The following ANKLE2 variants were observed in gnomAD, a reference collection of about 807,000 sequenced individuals.
The protein encoded by ANKLE2 is ankyrin repeat and LEM domain-containing protein 2.
Under a neutral mutation model 84.2 loss-of-function variants are expected in ANKLE2, and 55 were observed. The observed-to-expected ratio is 0.65, with a 90% CI of 0.53 to 0.82. The LOEUF (loss-of-function observed/expected upper bound fraction) is 0.82, where lower values mean the gene tolerates loss of function less well. ANKLE2 is among the 40% of genes least tolerant of loss of function. The probability of loss-of-function intolerance (pLI) is 0.00; values close to 1 mark genes in which losing one functional copy is unlikely to be tolerated. For missense variants in ANKLE2, 1,238 were observed against 1,201.9 expected, an observed-to-expected ratio of 1.03 and a Z score of -0.44; for synonymous variants, 551 against 486.1, an observed-to-expected ratio of 1.13 and a Z score of -1.76.
intron 1 of ANKLE2, chr12:132,759,511 CTATA>C (rs568578963): frequency 8.7e-6 from 1 of 115,572 alleles, no homozygotes; most frequent in African/African-American, 6.5e-5. Context: ...TCTCTGCTGA[CTATA>C]TATATGTATA....
intron 1 of ANKLE2, chr12:132,760,125 C>G (rs535500522): frequency 9.0e-6 from 1 of 110,710 alleles, no homozygotes; most frequent in African/African-American, 3.8e-5. Context: ...CAGGGCGAGA[C>G]TACATTTCAA....
At chr12:132,730,584 AGG>A (rs2043821923) in intron 10 of ANKLE2, 4 of 352,140 alleles carry the variant, frequency 1.1e-5, no homozygotes, top group Non-Finnish European at 2.1e-5. Flanking sequence ...GCACTCTGGG[AGG>A]CCATGGCAGG....
rs370206481 is a variant in ANKLE2 at position 132,750,627 on chromosome 12, C to T, written c.847+16G>A. 84 of 1,612,936 alleles carry T rather than the reference C, an allele frequency of 5.2e-5. No homozygotes were observed. The highest frequency in any genetic ancestry group is 8.0e-5 in the African/African-American group (6 of 74,954). On this transcript the variant is annotated intron_variant, in intron 3 of 12. Transcript: ENST00000357997. ...TGTGACAGGAACATCAAGATGTGAA[C>T]GGCTGCATGATTTACCTTTCAACCT...
intron 12 of ANKLE2, among the ~76,000 whole-genome samples, chr12:132,727,688 G>A (rs1457595439): frequency 1.4e-5 from 2 of 148,072 alleles, no homozygotes; most frequent in Non-Finnish European, 1.5e-5. Context: ...GTGGGCACAT[G>A]CGTCTGGGTG....
intron 1 of ANKLE2, chr12:132,756,615 A>G (rs2044489838): frequency 6.6e-6 from 1 of 152,118 alleles, no homozygotes; most frequent in South Asian, 2.1e-4. Flanking sequence ...TTTTAAAAAC[A>G]TGTTCGTGAT....
At chr12:132,746,213 GTGGCGGGT>G (rs1207891037) in intron 5 of ANKLE2, among the ~76,000 whole-genome samples, 2 of 152,128 alleles carry the variant, frequency 1.3e-5, no homozygotes, top group Admixed American at 6.5e-5. Flanking sequence ...GCCAGGCATG[GTGGCGGGT>G]GCCTGTAGTC....
At chr12:132,761,385 G>T in intron 1 of ANKLE2, 1 of 339,256 alleles carries the variant, frequency 2.9e-6, no homozygotes, top group Non-Finnish European at 5.2e-6. Flanking sequence ...GCCCGGGAAA[G>T]CTCTCACCCC....
chr12:132,735,255 C>A (rs886325362), intron 9 of ANKLE2, 151 bp downstream of exon 9: 3 of 713,342 alleles, frequency 4.2e-6, no homozygotes, highest in Non-Finnish European at 7.3e-6. Flanking sequence ...CCACAACATC[C>A]ACAAGGAATT....
At chr12:132,736,038 A>G (rs1593149670) in intron 8 of ANKLE2, among the ~76,000 whole-genome samples, 1 of 151,834 alleles carries the variant, frequency 6.6e-6, no homozygotes, top group African/African-American at 2.4e-5. Context: ...TGCAAGCTCC[A>G]CCTCCGGGGT....
intron 6 of ANKLE2, chr12:132,741,882 G>A (rs567396130): frequency 2.2e-6 from 1 of 461,536 alleles, no homozygotes; most frequent in Admixed American, 2.4e-5. Flanking sequence ...GCTGGGTCAA[G>A]GTGGAGCTCC....
At chr12:132,744,685 T>C (rs1243974534) in intron 5 of ANKLE2, among the ~76,000 whole-genome samples, 3 of 152,054 alleles carry the variant, frequency 2.0e-5, no homozygotes, top group Non-Finnish European at 2.9e-5. Flanking sequence ...GTAAGCACTA[T>C]AGACTTTTTT....
intron 10 of ANKLE2, among the ~76,000 whole-genome samples, chr12:132,733,537 A>G (rs1481897724): frequency 2.7e-5 from 4 of 148,314 alleles, no homozygotes; most frequent in Admixed American, 6.7e-5. Flanking sequence ...GGTGCCTGAT[A>G]TGCACCGTGT....
Position 132,743,355 on chromosome 12 carries a change from T to G in ANKLE2, c.1231-79A>C. 7.0e-7 allele frequency: 1 copy of G among 1,433,532 alleles called. No individual in the cohort carries two copies. The highest frequency in any genetic ancestry group is 9.3e-7 in the Non-Finnish European group (1 of 1,074,076). The allele number at this position is 1,433,532 out of a possible 1,614,324, so 88.8% of individuals were successfully genotyped here. On this transcript the variant is annotated intron_variant, in intron 5 of 12. Transcript: ENST00000357997. This position sits in a 1 kb window ranked among gnomAD's most constrained non-coding sequence, Gnocchi z 4.1. ...CTCTAAGGTGAAAATACATATTCAT[T>G]CATTCATTCATTCATTTATTTATTT...
intron 5 of ANKLE2, chr12:132,745,307 C>A: frequency 1.0e-5 from 2 of 192,062 alleles, no homozygotes; most frequent in East Asian, 1.3e-4. Flanking sequence ...GCTCAGGGCC[C>A]AGCTACCAAG....
In ANKLE2 at chr12:132,726,648, T is replaced by A. The variant is rs1332886752; in HGVS notation, c.*594A>T. The stretch of plus-strand genomic sequence containing the variant: ...ATTTAAATATTCCGAACAACCCAAA[T>A]CACAATGGTTGCTGCAAGTCTGAGG... On this transcript the variant is annotated 3_prime_UTR_variant, in exon 13 of 13. Coordinates refer to ENST00000357997, the MANE Select transcript of ANKLE2 (RefSeq NM_015114.3). The A allele has an allele frequency of 6.6e-6, 1 of 152,242 alleles. No homozygotes were observed. The highest frequency in any genetic ancestry group is 1.5e-5 in the Non-Finnish European group (1 of 68,144). The allele number at this position is 152,242 out of a possible 1,614,324, so 9.4% of individuals were successfully genotyped here.
chr12:132,747,930 C>A lies in ANKLE2; in HGVS notation c.1132G>T (p.Asp378Tyr). 2 of 1,600,454 alleles carry A rather than the reference C, an allele frequency of 1.2e-6. No homozygotes were observed. The highest frequency in any genetic ancestry group is 1.7e-6 in the Non-Finnish European group (2 of 1,176,784). ...TCAGGGTACATCAGCCTCATGAAGT[C>A]AGGGTTCTCCAGGACGTCCAGAGTC... The part of the protein sequence containing the change: ...QLTLDVLENP[D>Y]FMRLMYPDDD... Residue 378 changes from aspartate to tyrosine, a missense_variant, in exon 5 of 13, where the codon GAC (aspartate) becomes TAC (tyrosine). Transcript: ENST00000357997.
intron 10 of ANKLE2, chr12:132,730,643 G>A (rs1195367944): frequency 1.7e-5 from 4 of 240,566 alleles, no homozygotes; most frequent in African/African-American, 6.7e-5. Context: ...GCAACATAGC[G>A]AAACCCCGTT....
intron 6 of ANKLE2, chr12:132,741,929 C>T: frequency 2.3e-6 from 1 of 433,534 alleles, no homozygotes; most frequent in South Asian, 1.6e-5. Flanking sequence ...ATTTTTGCCA[C>T]TAAAGAAATC....
rs1453278137 is a variant in ANKLE2, at chr12:132,727,141, ATAATT to A, written c.*96_*100del. On this transcript the variant is annotated 3_prime_UTR_variant, in exon 13 of 13. Transcript: ENST00000357997. ...TCTCACACCCTCAAAGTGAGGAGTA[ATAATT>A]TAATCAGAATATATTCCTTTTTGAC... The A allele has an allele frequency of 6.5e-6, 8 of 1,222,560 alleles. No homozygotes were observed. Among genetic ancestry groups the A allele is most frequent in the Non-Finnish European group, 8.8e-6 (8 of 910,720 alleles). 75.7% of individuals were successfully genotyped at this position (1,222,560 alleles called of 1,614,324 possible).
Sources: allele counts gnomAD v4.1 joint callset (sites outside exome capture counted in the v4.1 genomes callset), GRCh38; gene constraint gnomAD v4.1.1; non-coding constraint Gnocchi (gnomAD v3.1); transcripts MANE v1.5; gene names NCBI Gene and HGNC (gene_info 2026-07-23, HGNC 2026-07-21).